CCND1: variants seen among roughly 807,000 people sequenced by gnomAD.
CCND1 encodes G1/S-specific cyclin-D1.
Under a neutral mutation model 26.1 loss-of-function variants are expected in CCND1, and 9 were observed. The ratio of observed to expected loss-of-function variants is 0.35; its 90% CI spans 0.21 to 0.60. The LOEUF (loss-of-function observed/expected upper bound fraction) is 0.60. CCND1 is among the 20% of genes least tolerant of loss of function. The probability of loss-of-function intolerance (pLI) is 0.79; values close to 1 mark genes in which losing one functional copy is unlikely to be tolerated. For synonymous variants in CCND1, 194 were observed against 166.1 expected, an observed-to-expected ratio of 1.17 and a Z score of -1.29; for missense variants, 335 against 392.9, an observed-to-expected ratio of 0.85 and a Z score of 1.25.
Position 69,654,265 on chromosome 11 carries a change from G to C in CCND1, c.*2983G>C. 7.1e-6 allele frequency: 5 copies of C among 702,576 alleles called. No individual in the cohort carries two copies. The highest frequency in any genetic ancestry group is 1.3e-5 in the Non-Finnish European group (5 of 385,002). 43.5% of individuals were successfully genotyped at this position (702,576 alleles called of 1,614,324 possible). ...ACAAGTCCTGGATGTTGTGTGTATC[G>C]AGAGGCCAAAGGCTGGTGGCAAGTG... On this transcript the variant is annotated 3_prime_UTR_variant, in exon 5 of 5. Transcript: ENST00000227507. This position sits in a 1 kb window ranked among gnomAD's most constrained non-coding sequence, Gnocchi z 6.3.
Position 69,652,166 on chromosome 11 carries a change from TTTTG to T in CCND1, c.*886_*889del, listed in dbSNP as rs1408156897. Reference sequence around the variant, plus strand: ...TATTCTATTTTTATACTCTTCCTATTTTTGTAGTGACCTGTTTATGAGATGCTGG... The same window carrying T: ...TATTCTATTTTTATACTCTTCCTATTTAGTGACCTGTTTATGAGATGCTGG... On this transcript the variant is annotated 3_prime_UTR_variant, in exon 5 of 5. Coordinates refer to ENST00000227507, the MANE Select transcript of CCND1 (RefSeq NM_053056.3). 4.3e-6 allele frequency: 1 copy of T among 233,544 alleles called. No homozygotes were observed. The highest frequency in any genetic ancestry group is 6.0e-5 in the East Asian group (1 of 16,610). The allele number at this position is 233,544 out of a possible 1,614,324, so 14.5% of individuals were successfully genotyped here.
At chr11:69,646,109 G>T (rs929931494) in intron 3 of CCND1, among the ~76,000 whole-genome samples, 1 of 152,172 alleles carries the variant, frequency 6.6e-6, no homozygotes, top group Admixed American at 6.5e-5. Flanking sequence ...GTGACTCCAC[G>T]CTGTGTGTGC....
chr11:69,644,169 T>A, intron 3 of CCND1, 178 bp downstream of exon 3: 1 of 656,288 alleles, frequency 1.5e-6, no homozygotes, highest in Non-Finnish European at 2.7e-6. Flanking sequence ...TTTGTCGCGC[T>A]GGATGGAGGG....
chr11:69,641,600 C>T lies in CCND1; in HGVS notation c.198+89C>T, dbSNP rs967158533. ...TTTGCTACTCACCCCCCTCCCTTCT[C>T]TCCCGCTAGAACTTTGAAGTTTGCC... On this transcript the variant is annotated intron_variant, in intron 1 of 4. Coordinates refer to ENST00000227507, the MANE Select transcript of CCND1 (RefSeq NM_053056.3). 3 of 1,256,556 alleles carry T rather than the reference C, an allele frequency of 2.4e-6. No homozygotes were observed. In the East Asian group the frequency reaches 7.1e-5, roughly 30 times the overall value. The allele number at this position is 1,256,556 out of a possible 1,614,324, so 77.8% of individuals were successfully genotyped here.
At chr11:69,643,271 C>A (rs1278821267) in intron 2 of CCND1, 25 bp downstream of exon 2, 1 of 1,525,464 alleles carries the variant, frequency 6.6e-7, no homozygotes, top group Admixed American at 2.0e-5. Flanking sequence ...CCGCCGCCCC[C>A]CGCCCCCCGC....
chr11:69,653,355 T>C lies in CCND1; in HGVS notation c.*2073T>C, dbSNP rs1052927645. The C allele has an allele frequency of 5.7e-5, 40 of 702,264 alleles. No individual in the cohort carries two copies. Among genetic ancestry groups the C allele is most frequent in the Middle Eastern group, 2.3e-4 (1 of 4,390 alleles). The allele number at this position is 702,264 out of a possible 1,614,324, so 43.5% of individuals were successfully genotyped here. A position where few individuals can be genotyped will look rare whatever the true frequency, so the allele number is the denominator to read the frequency against. On this transcript the variant is annotated 3_prime_UTR_variant, in exon 5 of 5. Transcript: ENST00000227507. ...ATCAGTTTTTTGTTTTACAATGTCA[T>C]ATACTGCCATGTACTAGTTTTAGTT...
In CCND1 at chr11:69,645,121, T is replaced by C. The variant is rs1433062258; in HGVS notation, c.574+1130T>C. Reference sequence around the variant, plus strand: ...CCCCTCCCCCACGTTTCCAAGCGAGTCCCCAAGGTGGGCAGATGAAGATGC... The same window carrying C: ...CCCCTCCCCCACGTTTCCAAGCGAGCCCCCAAGGTGGGCAGATGAAGATGC... On this transcript the variant is annotated intron_variant, in intron 3 of 4. Coordinates refer to ENST00000227507, the MANE Select transcript of CCND1 (RefSeq NM_053056.3). 2.0e-5 allele frequency among the ~76,000 whole-genome samples: 3 copies of C among 151,960 alleles called. No individual in the cohort carries two copies. In the East Asian group the frequency reaches 5.8e-4, roughly 29 times the overall value.
chr11:69,644,490 C>T (rs1855754332), intron 3 of CCND1, among the ~76,000 whole-genome samples: 1 of 152,174 alleles, frequency 6.6e-6, no homozygotes, highest in African/African-American at 2.4e-5. Context: ...TCTGGGCAGC[C>T]GAGTGCAGGG....
intron 1 of CCND1, among the ~76,000 whole-genome samples, 164 bp from the exon 2 acceptor site, chr11:69,642,867 C>T (rs1855726587): frequency 1.3e-5 from 2 of 151,962 alleles, no homozygotes; most frequent in East Asian, 2.0e-4. Flanking sequence ...ACTGGGGACG[C>T]GCGGGGGAGG....
chr11:69,651,047 G>A (rs1855846959), intron 4 of CCND1, 71 bp from the exon 5 acceptor site: 1 of 1,455,822 alleles, frequency 6.9e-7, no homozygotes, highest in Non-Finnish European at 9.3e-7. Context: ...TGGCACCTGG[G>A]AAGGGGCCCT....
chr11:69,652,067 A>G lies in CCND1; in HGVS notation c.*785A>G, dbSNP rs1242317339. On this transcript the variant is annotated 3_prime_UTR_variant, in exon 5 of 5. Transcript: ENST00000227507. ...TTTGTCGGGCACCAGCCAGCGTAGC[A>G]GGGTCGGGAAAGGCCACCTGTCCCA... The G allele has an allele frequency of 2.6e-5, 6 of 233,444 alleles. No homozygotes were observed. The Admixed American group carries it at 3.4e-4, about 13-fold the overall frequency. 14.5% of individuals were successfully genotyped at this position (233,444 alleles called of 1,614,324 possible).
Position 69,651,270 on chromosome 11 carries a change from C to T in CCND1, c.876C>T (p.Asp292=), listed in dbSNP as rs535957987. The T allele has an allele frequency of 1.3e-4, 197 of 1,533,806 alleles. No individual in the cohort carries two copies. In the East Asian group the frequency reaches 3.7e-3, roughly 29 times the overall value. The part of the protein sequence containing the change: ...DLACTPTDVR[D]VDI ...CTTGCACACCCACCGACGTGCGGGA[C>T]GTGGACATCTGAGGGCGCCAGGCAG... Residue 292 remains aspartate, a synonymous_variant, in exon 5 of 5, where the codon GAC becomes GAT. Coordinates refer to ENST00000227507, the MANE Select transcript of CCND1 (RefSeq NM_053056.3).
At chr11:69,643,597 C>T in intron 2 of CCND1, 2 of 484,692 alleles carry the variant, frequency 4.1e-6, no homozygotes, top group East Asian at 3.4e-5. Context: ...CTTGCAGAGT[C>T]TTTTCACGCG....
At chr11:69,649,805 C>A (rs1007869796) in intron 4 of CCND1, among the ~76,000 whole-genome samples, 1 of 152,132 alleles carries the variant, frequency 6.6e-6, no homozygotes, top group African/African-American at 2.4e-5. Flanking sequence ...CTGGATGGAG[C>A]TGCCAGGCCC....
chr11:69,644,239 C>A, intron 3 of CCND1: 2 of 541,028 alleles, frequency 3.7e-6, no homozygotes, highest in Non-Finnish European at 6.7e-6. Context: ...ACGGCTCAGC[C>A]TGCCTGTGTC....
In CCND1 at chr11:69,653,419, GT is replaced by G. The variant is rs375055236; in HGVS notation, c.*2151del. ...TTGTATTACAGATGCCTTTTTTGTA[GT>G]TTTTTTTTTTTTTATGTGATCAATT... is the stretch of plus-strand genomic sequence containing the variant. On this transcript the variant is annotated 3_prime_UTR_variant, in exon 5 of 5. Coordinates refer to ENST00000227507, the MANE Select transcript of CCND1 (RefSeq NM_053056.3). The G allele has an allele frequency of 0.046, 25,086 of 550,870 alleles. 140 individuals are homozygous for G. Among genetic ancestry groups the G allele is most frequent in the African/African-American group, 0.079 (3,878 of 48,830 alleles). 34.1% of individuals were successfully genotyped at this position (550,870 alleles called of 1,614,324 possible). A position where few individuals can be genotyped will look rare whatever the true frequency, so the allele number is the denominator to read the frequency against.
chr11:69,643,712 C>A lies in CCND1; in HGVS notation c.415-120C>A. 5 of 900,520 alleles carry A rather than the reference C, an allele frequency of 5.6e-6. No homozygotes were observed. The South Asian group carries it at 6.9e-5, about 13-fold the overall frequency. 55.8% of individuals were successfully genotyped at this position (900,520 alleles called of 1,614,324 possible). A position where few individuals can be genotyped will look rare whatever the true frequency, so the allele number is the denominator to read the frequency against. On this transcript the variant is annotated intron_variant, in intron 2 of 4. Transcript: ENST00000227507. The stretch of plus-strand genomic sequence containing the variant: ...CTCCAACATCCAGGACCGCACGAGA[C>A]GCAGGGGCCAGTGCTCTGAGCCGGA...
chr11:69,647,916 C>A (rs1590915257), intron 3 of CCND1, 78 bp from the exon 4 acceptor site: 4 of 1,551,750 alleles, frequency 2.6e-6, no homozygotes, highest in Non-Finnish European at 3.5e-6. Flanking sequence ...AGAGCCAGCA[C>A]ACAGGGATGC....
rs533078965 is a variant in CCND1 at position 69,654,358 on chromosome 11, C to T, written c.*3076C>T. On this transcript the variant is annotated 3_prime_UTR_variant, in exon 5 of 5. Transcript: ENST00000227507. This position sits in a 1 kb window ranked among gnomAD's most constrained non-coding sequence, Gnocchi z 6.3. ...GGGTCTGGGCGGCGGGCGGCTGGGT[C>T]TGTGCATTTCTGGTTGCACCGCGGC... The T allele has an allele frequency of 5.0e-5, 35 of 702,374 alleles. No homozygotes were observed. The highest frequency in any genetic ancestry group is 2.3e-4 in the Middle Eastern group (1 of 4,370). The allele number at this position is 702,374 out of a possible 1,614,324, so 43.5% of individuals were successfully genotyped here.
Sources: allele counts gnomAD v4.1 joint callset (sites outside exome capture counted in the v4.1 genomes callset), GRCh38; gene constraint gnomAD v4.1.1; non-coding constraint Gnocchi (gnomAD v3.1); transcripts MANE v1.5; gene names NCBI Gene and HGNC (gene_info 2026-07-23, HGNC 2026-07-21).